Variants in RNF115 observed in about 807,000 individuals in gnomAD.
RNF115 encodes the protein E3 ubiquitin-protein ligase RNF115.
In RNF115, 31 loss-of-function variants were observed where a neutral mutation model predicts 39.2. The ratio of observed to expected loss-of-function variants is 0.79; its 90% confidence interval spans 0.59 to 1.07. RNF115 has a LOEUF of 1.07. Ranked by LOEUF, RNF115 falls within the 50% of genes least tolerant of loss-of-function variation. The pLI is 0.00. For missense variants in RNF115, 384 were observed against 381.7 expected (o/e 1.01, Z -0.05); for synonymous variants, 124 against 131.0 (o/e 0.95, Z 0.37).
intron 1 of RNF115, among the ~76,000 whole-genome samples, chr1:145,793,541 C>G (rs1241572180): frequency 1.3e-5 from 2 of 152,098 alleles, no homozygotes; most frequent in East Asian, 1.9e-4. Context: ...CCAACTCCCC[C>G]CAAATGTGTA....
At chr1:145,809,453 T>C (rs1180595427) in intron 1 of RNF115, among the ~76,000 whole-genome samples, 5 of 148,704 alleles carry the variant, frequency 3.4e-5, no homozygotes, top group Non-Finnish European at 5.9e-5. Context: ...AGTGCTGAGA[T>C]TATAGGTGTG....
intron 2 of RNF115, among the ~76,000 whole-genome samples, chr1:145,786,038 G>T (rs587720721): frequency 6.6e-5 from 10 of 152,238 alleles, no homozygotes; most frequent in African/African-American, 2.4e-4. Flanking sequence ...CACAGTTTCA[G>T]GGATTCAAAC....
chr1:145,785,866 C>T (rs1648356774), intron 2 of RNF115, among the ~76,000 whole-genome samples: 1 of 152,200 alleles, frequency 6.6e-6, no homozygotes, highest in South Asian at 2.1e-4. Flanking sequence ...GTAAAAATCA[C>T]TCCAAATGTA....
chr1:145,809,192 T>C (rs1354235281), intron 1 of RNF115, among the ~76,000 whole-genome samples: 25 of 150,868 alleles, frequency 1.7e-4, no homozygotes, highest in Admixed American at 3.3e-4. Flanking sequence ...GATTTTTTTT[T>C]TTTTTTTTTT....
intron 1 of RNF115, 22 bp downstream of exon 1, chr1:145,823,750 A>G: frequency 6.6e-7 from 1 of 1,518,328 alleles, no homozygotes. Context: ...GTTCCCAAGT[A>G]TAGAGAACAC....
intron 4 of RNF115, among the ~76,000 whole-genome samples, chr1:145,762,014 T>C (rs1245133622): frequency 1.3e-5 from 2 of 152,260 alleles, no homozygotes; most frequent in Admixed American, 6.5e-5. Context: ...CTGCTGGATT[T>C]TGGACATGCA....
chr1:145,814,356 T>G (rs1649883053), intron 1 of RNF115, among the ~76,000 whole-genome samples: 1 of 152,070 alleles, frequency 6.6e-6, no homozygotes. Flanking sequence ...GGCTATCTCA[T>G]TTATTGCTCA....
At chr1:145,764,841 G>T (rs896554729) in intron 4 of RNF115, among the ~76,000 whole-genome samples, 36 of 151,574 alleles carry the variant, frequency 2.4e-4, no homozygotes, top group Non-Finnish European at 3.5e-4. Context: ...CGTCCGGGAG[G>T]TGGGGGGTGC....
At chr1:145,751,314 C>A in intron 6 of RNF115, 124 bp downstream of exon 6, 1 of 663,782 alleles carries the variant, frequency 1.5e-6, no homozygotes, top group Non-Finnish European at 2.6e-6. Flanking sequence ...AATGGAAACC[C>A]CAAAGCTCAA....
rs1647299556 is a variant in RNF115, at chr1:145,766,682, C to A, written c.428+5029G>T. Among the ~76,000 whole-genome samples, 8 of 143,608 alleles carry A rather than the reference C, an allele frequency of 5.6e-5. No homozygotes were observed. In the South Asian group the frequency reaches 1.6e-3, roughly 28 times the overall value. 94.2% of individuals were successfully genotyped at this position (143,608 alleles called of 152,430 possible). On this transcript the variant is annotated intron_variant, in intron 4 of 8. Transcript: ENST00000582693. ...CTGGCCGGGCGGGGGGCTGACCCCCCCACCTCCCTCCCGGACGGGGCGGCT... is the reference window on the plus strand; with the variant it reads ...CTGGCCGGGCGGGGGGCTGACCCCCACACCTCCCTCCCGGACGGGGCGGCT...
At chr1:145,808,897 T>C (rs1335966789) in intron 1 of RNF115, among the ~76,000 whole-genome samples, 7 of 152,190 alleles carry the variant, frequency 4.6e-5, no homozygotes, top group African/African-American at 1.7e-4. Flanking sequence ...CAGTAGTACC[T>C]AAATTAGAAA....
intron 7 of RNF115, among the ~76,000 whole-genome samples, chr1:145,749,937 A>T (rs1553712219): frequency 6.6e-6 from 1 of 152,212 alleles, no homozygotes; most frequent in Non-Finnish European, 1.5e-5. Context: ...GCTTACAAAT[A>T]AAATAGTATC....
intron 4 of RNF115, among the ~76,000 whole-genome samples, chr1:145,768,791 C>T (rs1389430878): frequency 1.3e-5 from 2 of 152,192 alleles, no homozygotes; most frequent in Admixed American, 1.3e-4. Context: ...ATGTATAAAA[C>T]ATGAAATTGT....
chr1:145,746,232 A>C lies in RNF115; in HGVS notation c.*634T>G, dbSNP rs1657875352. The C allele has an allele frequency of 6.6e-6, 1 of 151,978 alleles. No homozygotes were observed. The highest frequency in any genetic ancestry group is 1.9e-4 in the East Asian group (1 of 5,174). The allele number at this position is 151,978 out of a possible 1,614,324, so 9.4% of individuals were successfully genotyped here. A position where few individuals can be genotyped will look rare whatever the true frequency, so the allele number is the denominator to read the frequency against. Reference sequence around the variant, plus strand: ...CAGAGCGAGACTCCATCTCAAAAAAAAAAAACAAAAAAAATTAAAATAAGA... The same window carrying C: ...CAGAGCGAGACTCCATCTCAAAAAACAAAAACAAAAAAAATTAAAATAAGA... On this transcript the variant is annotated 3_prime_UTR_variant, in exon 9 of 9. Transcript: ENST00000582693.
intron 1 of RNF115, among the ~76,000 whole-genome samples, chr1:145,799,343 G>A (rs1283481642): frequency 1.3e-5 from 2 of 152,154 alleles, no homozygotes; most frequent in East Asian, 3.9e-4. Context: ...TGGGATTACA[G>A]GCATGAGCCA....
At position 145,744,871 on chromosome 1, in the gene RNF115, T is replaced by C. The variant is rs1442499921; in HGVS notation, c.*1995A>G. ...CTTGACCTTCTTAATTTATCCAATG[T>C]TAAACACTTGAATGCTACAAAGAGC... is the stretch of plus-strand genomic sequence containing the variant. On this transcript the variant is annotated 3_prime_UTR_variant, in exon 9 of 9. Transcript: ENST00000582693. 1 of 152,146 alleles carries C rather than the reference T, an allele frequency of 6.6e-6. No individual in the cohort carries two copies. The highest frequency in any genetic ancestry group is 2.4e-5 in the African/African-American group (1 of 41,420). The allele number at this position is 152,146 out of a possible 1,614,324, so 9.4% of individuals were successfully genotyped here.
intron 1 of RNF115, among the ~76,000 whole-genome samples, chr1:145,805,760 G>A (rs1345861969): frequency 1.3e-5 from 2 of 152,006 alleles, no homozygotes; most frequent in Admixed American, 6.6e-5. Flanking sequence ...TCACTAAACC[G>A]TAGCTAGCAG....
At chr1:145,766,630 C>T (rs1553714896) in intron 4 of RNF115, among the ~76,000 whole-genome samples, 2 of 147,544 alleles carry the variant, frequency 1.4e-5, no homozygotes, top group Non-Finnish European at 1.5e-5. Context: ...GGGGCTGACC[C>T]CCCCACCTCC....
chr1:145,808,032 T>C (rs1415694836), intron 1 of RNF115, among the ~76,000 whole-genome samples: 1 of 145,738 alleles, frequency 6.9e-6, no homozygotes, highest in Non-Finnish European at 1.5e-5. Context: ...TGATTCTTTC[T>C]TATGGCCAAA....
Sources: allele counts gnomAD v4.1 joint callset (sites outside exome capture counted in the v4.1 genomes callset), GRCh38; gene constraint gnomAD v4.1.1; transcripts MANE v1.5; gene names NCBI Gene and HGNC (gene_info 2026-07-23, HGNC 2026-07-21).